Variants in ACYP2 observed in about 807,000 individuals in gnomAD.
ACYP2 encodes acylphosphatase 2, also known as acylphosphatase-2.
ACYP2 carries 12 observed loss-of-function variants against 11.2 expected under a neutral mutation model. The observed-to-expected ratio is 1.08, with a 90% CI of 0.69 to 1.74. ACYP2 has a LOEUF of 1.74. Ranked by LOEUF, ACYP2 falls within the 40% of genes most tolerant of loss-of-function variation. The probability of loss-of-function intolerance (pLI) is 0.00; values close to 1 mark genes in which losing one functional copy is unlikely to be tolerated. For synonymous variants in ACYP2, 43 were observed against 32.2 expected (o/e 1.33, Z -1.13); for missense variants, 134 against 101.9 (o/e 1.31, Z -1.35).
chr2:54,197,997 G>A (rs938693243), intron 6 of ACYP2, among the ~76,000 whole-genome samples: 2 of 132,908 alleles, frequency 1.5e-5, no homozygotes, highest in African/African-American at 6.7e-5. Flanking sequence ...GTATTGTATT[G>A]TATTGTATTG....
intron 6 of ACYP2, among the ~76,000 whole-genome samples, chr2:54,232,663 A>T (rs1233818074): frequency 6.6e-6 from 1 of 152,156 alleles, no homozygotes; most frequent in Non-Finnish European, 1.5e-5. Flanking sequence ...ATTGACTCAC[A>T]GTTCTGCATG....
intron 2 of ACYP2, among the ~76,000 whole-genome samples, chr2:54,046,332 A>T (rs1445493997): frequency 6.6e-6 from 1 of 151,954 alleles, no homozygotes; most frequent in African/African-American, 2.4e-5. Flanking sequence ...TACAAAAATT[A>T]GCTGGGTGTG....
intron 2 of ACYP2, among the ~76,000 whole-genome samples, chr2:53,992,002 A>G (rs1029551301): frequency 5.3e-5 from 8 of 151,198 alleles, no homozygotes; most frequent in Non-Finnish European, 8.9e-5. Context: ...CTTTTTCACA[A>G]TGTAAGAGCT....
intron 6 of ACYP2, among the ~76,000 whole-genome samples, chr2:54,191,976 T>C (rs1684260361): frequency 6.6e-6 from 1 of 152,164 alleles, no homozygotes. Flanking sequence ...CCAATACATA[T>C]TTATTGAGTG....
intron 2 of ACYP2, among the ~76,000 whole-genome samples, chr2:53,993,457 C>A (rs1394259959): frequency 6.6e-6 from 1 of 151,948 alleles, no homozygotes; most frequent in Non-Finnish European, 1.5e-5. Context: ...CCTGTAATCC[C>A]AGCGCTCTGG....
intron 4 of ACYP2, among the ~76,000 whole-genome samples, chr2:54,123,660 G>A (rs1022342502): frequency 1.9e-4 from 29 of 151,816 alleles, no homozygotes; most frequent in Non-Finnish European, 4.0e-4. Flanking sequence ...GCATGTTAAA[G>A]TGCCTCAGGG....
At chr2:54,273,321 G>A (rs1249135453) in intron 6 of ACYP2, among the ~76,000 whole-genome samples, 2 of 152,138 alleles carry the variant, frequency 1.3e-5, no homozygotes, top group Non-Finnish European at 1.5e-5. Flanking sequence ...TACAATACTA[G>A]TACATTAATT....
At chr2:54,238,318 C>T (rs980755545) in intron 6 of ACYP2, among the ~76,000 whole-genome samples, 1 of 152,028 alleles carries the variant, frequency 6.6e-6, no homozygotes, top group African/African-American at 2.4e-5. Context: ...AGCTTTTTCC[C>T]ACCCCCTCCT....
At chr2:54,181,126 C>T (rs1252921445) in intron 6 of ACYP2, among the ~76,000 whole-genome samples, 1 of 152,188 alleles carries the variant, frequency 6.6e-6, no homozygotes, top group East Asian at 1.9e-4. Flanking sequence ...GTTCAAAACA[C>T]TAGGATATGG....
intron 6 of ACYP2, among the ~76,000 whole-genome samples, chr2:54,215,882 G>A (rs984438726): frequency 6.6e-6 from 1 of 152,106 alleles, no homozygotes; most frequent in Non-Finnish European, 1.5e-5. Flanking sequence ...TATGGAGTTT[G>A]TGCCAAAAAA....
At chr2:54,303,147 G>C (rs946366055) in intron 6 of ACYP2, among the ~76,000 whole-genome samples, 2 of 152,160 alleles carry the variant, frequency 1.3e-5, no homozygotes, top group African/African-American at 4.8e-5. Context: ...CTTGAGGCCA[G>C]GAGACCAGCC....
At chr2:54,200,466 T>G (rs76100299) in intron 6 of ACYP2, among the ~76,000 whole-genome samples, 106 of 152,306 alleles carry the variant, frequency 7.0e-4, no homozygotes, top group Non-Finnish European at 1.2e-3. Flanking sequence ...ACTGTCTGTC[T>G]CCATGGATTT....
At chr2:54,085,726 C>T (rs1677911850) in intron 4 of ACYP2, among the ~76,000 whole-genome samples, 1 of 151,538 alleles carries the variant, frequency 6.6e-6, no homozygotes, top group African/African-American at 2.4e-5. Context: ...AGATGTGAGA[C>T]AGAGAGAGAG....
chr2:54,125,709 C>A (rs1680451278), intron 4 of ACYP2, among the ~76,000 whole-genome samples: 1 of 151,920 alleles, frequency 6.6e-6, no homozygotes, highest in Admixed American at 6.6e-5. Context: ...GAGATCGTGC[C>A]ATTGCACTCC....
intron 4 of ACYP2, among the ~76,000 whole-genome samples, chr2:54,127,410 G>A (rs1203588532): frequency 6.6e-6 from 1 of 152,020 alleles, no homozygotes; most frequent in Non-Finnish European, 1.5e-5. Flanking sequence ...AACTTTGCTG[G>A]TTTCTTCAGG....
intron 4 of ACYP2, among the ~76,000 whole-genome samples, chr2:54,077,004 AAC>A (rs35997895): frequency 0.36 from 54,824 of 151,894 alleles, 10,854 homozygotes; most frequent in East Asian, 0.67. Context: ...TTTTACTAAA[AAC>A]ACATACACAT....
intron 4 of ACYP2, among the ~76,000 whole-genome samples, chr2:54,094,898 T>C (rs551023069): frequency 1.2e-4 from 18 of 152,250 alleles, no homozygotes; most frequent in Non-Finnish European, 2.2e-4. Context: ...ACTTCCTTTT[T>C]TTTTTTAATT....
chr2:54,111,159 G>A (rs1019093495), intron 4 of ACYP2, among the ~76,000 whole-genome samples: 3 of 152,232 alleles, frequency 2.0e-5, no homozygotes, highest in Non-Finnish European at 2.9e-5. Flanking sequence ...GCTGGGATAC[G>A]GCTGTAGAGA....
rs75205475 is a variant in ACYP2, at chr2:54,042,093, C to T, written c.63-8865C>T. Among the ~76,000 whole-genome samples, 326 of 151,942 alleles carry T rather than the reference C, an allele frequency of 2.1e-3. 4 individuals are homozygous for T. In the East Asian group the frequency reaches 0.055, roughly 26 times the overall value. ...CACGATCTTGGCTCACCACAACCTC[C>T]GCCCCCGAGTGCAAGCAATTCTCCT... On this transcript the variant is annotated intron_variant, in intron 2 of 6. Transcript: ENST00000607452.
Sources: allele counts gnomAD v4.1 joint callset (sites outside exome capture counted in the v4.1 genomes callset), GRCh38; gene constraint gnomAD v4.1.1; transcripts MANE v1.5; gene names NCBI Gene and HGNC (gene_info 2026-07-23, HGNC 2026-07-21).